Variants in ZDHHC11 observed in about 807,000 individuals in gnomAD.
ZDHHC11 encodes zDHHC palmitoyltransferase 11, also known as palmitoyltransferase ZDHHC11.
ZDHHC11 carries 44 observed loss-of-function variants against 51.3 expected under a neutral mutation model. The ratio of observed to expected loss-of-function variants is 0.86; its 90% CI spans 0.67 to 1.10. The LOEUF (loss-of-function observed/expected upper bound fraction) is 1.10, where lower values mean the gene tolerates loss of function less well. Among genes scored for constraint, ZDHHC11 ranks in the 50% least tolerant of loss-of-function variants. The probability of loss-of-function intolerance (pLI) is 0.00; values close to 1 mark genes in which losing one functional copy is unlikely to be tolerated. For missense variants in ZDHHC11, 400 were observed against 537.7 expected (o/e 0.74, Z 2.53); for synonymous variants, 163 against 222.0 (o/e 0.73, Z 2.36).
intron 8 of ZDHHC11, among the ~76,000 whole-genome samples, chr5:822,425 A>G (rs767822192): frequency 2.6e-5 from 4 of 151,464 alleles, no homozygotes; most frequent in African/African-American, 4.8e-5. Context: ...CACCCCATCC[A>G]TGGTTCCTGC....
At chr5:851,224 C>T (rs1387197840), upstream of ZDHHC11, among the ~76,000 whole-genome samples, 1 of 152,200 alleles carries the variant, frequency 6.6e-6, no homozygotes, top group Non-Finnish European at 1.5e-5. Context: ...TGTGTCTCCC[C>T]TTCCACAGGA....
chr5:817,684 G>A (rs1470269273), intron 10 of ZDHHC11, among the ~76,000 whole-genome samples: 13 of 151,384 alleles, frequency 8.6e-5, no homozygotes, highest in African/African-American at 3.1e-4. Context: ...TTCTAGGTGG[G>A]ACTGAGCTGT....
At chr5:822,865 T>C (rs948854637) in intron 8 of ZDHHC11, among the ~76,000 whole-genome samples, 4 of 151,636 alleles carry the variant, frequency 2.6e-5, no homozygotes, top group African/African-American at 4.8e-5. Flanking sequence ...CAGTATCTTA[T>C]TGTGATTTTA....
chr5:850,044 G>T (rs1268762359), intron 1 of ZDHHC11, among the ~76,000 whole-genome samples: 1 of 152,252 alleles, frequency 6.6e-6, no homozygotes, highest in African/African-American at 2.4e-5. Flanking sequence ...GGGGCAAGGA[G>T]AAAGGTGCTG....
chr5:848,984 G>A lies in ZDHHC11; in HGVS notation c.223-324C>T, dbSNP rs182863819. Among the ~76,000 whole-genome samples, 254 of 150,716 alleles carry A rather than the reference G, an allele frequency of 1.7e-3. 2 individuals carry two copies. Among genetic ancestry groups the A allele is most frequent in the African/African-American group, 5.9e-3 (240 of 40,864 alleles). ...ACCCGAGCCCAGCTCACCCATGCCCGGCCCTGCTCACATGGCCCTGCTCAT... is the reference window on the plus strand; with the variant it reads ...ACCCGAGCCCAGCTCACCCATGCCCAGCCCTGCTCACATGGCCCTGCTCAT... On this transcript the variant is annotated intron_variant, in intron 1 of 12. Transcript: ENST00000283441.
At chr5:824,620 C>T (rs542730931) in intron 8 of ZDHHC11, among the ~76,000 whole-genome samples, 6 of 151,638 alleles carry the variant, frequency 4.0e-5, no homozygotes, top group East Asian at 3.9e-4. Context: ...CACATATACA[C>T]GTGACCACAC....
intron 11 of ZDHHC11, among the ~76,000 whole-genome samples, chr5:809,031 C>A (rs1739735366): frequency 8.0e-6 from 1 of 125,058 alleles, no homozygotes; most frequent in Non-Finnish European, 1.6e-5. Context: ...TATTTATTCC[C>A]CACCTGTCTC....
At chr5:836,387 T>A (rs1743855333) in intron 6 of ZDHHC11, among the ~76,000 whole-genome samples, 1 of 150,382 alleles carries the variant, frequency 6.6e-6, no homozygotes, top group Non-Finnish European at 1.5e-5. Context: ...TGCACATTCC[T>A]GCCCCGTGCT....
At chr5:840,012 C>T in intron 5 of ZDHHC11, 1 of 583,850 alleles carries the variant, frequency 1.7e-6, no homozygotes, top group South Asian at 2.2e-5. Context: ...CCGCCTACCG[C>T]TGTGCCCACT....
upstream of ZDHHC11, among the ~76,000 whole-genome samples, chr5:854,570 C>T (rs1747850512): frequency 6.7e-6 from 1 of 148,300 alleles, no homozygotes; most frequent in Non-Finnish European, 1.5e-5. Context: ...AACAGTGAGC[C>T]AGGGGTCACA....
chr5:840,869 G>A (rs866135389), intron 4 of ZDHHC11: 775 of 1,440,318 alleles, frequency 5.4e-4, no homozygotes, highest in South Asian at 8.1e-4. Flanking sequence ...GGATCTGGGA[G>A]GTGAGGCTCC....
chr5:848,780 C>A, intron 1 of ZDHHC11, 120 bp from the exon 2 acceptor site: 2 of 1,417,456 alleles, frequency 1.4e-6, no homozygotes, highest in Non-Finnish European at 9.5e-7. Flanking sequence ...CCCAGCCCTG[C>A]ACACGTGAGC....
chr5:804,566 T>G (rs1401125704), intron 11 of ZDHHC11, among the ~76,000 whole-genome samples: 1 of 151,338 alleles, frequency 6.6e-6, no homozygotes, highest in Non-Finnish European at 1.5e-5. Context: ...GTTAGATTGT[T>G]AAGGCATAGA....
chr5:827,860 G>A lies in ZDHHC11; in HGVS notation c.936-2609C>T, dbSNP rs1321054762. On this transcript the variant is annotated intron_variant, in intron 7 of 12. Transcript: ENST00000283441. ...GAAAAACAAGTGAACAAAGGTCTCT[G>A]GCTTTCCTAGGCAGAGGACCCAGCG... 2.6e-5 allele frequency among the ~76,000 whole-genome samples: 4 copies of A among 151,094 alleles called. No homozygotes were observed. The East Asian group carries it at 7.7e-4, about 29-fold the overall frequency.
chr5:808,701 A>ATTTTTTT (rs1161740691), intron 11 of ZDHHC11, among the ~76,000 whole-genome samples: 49 of 129,244 alleles, frequency 3.8e-4, no homozygotes, highest in Non-Finnish European at 5.8e-4. Flanking sequence ...AACCTAGCTA[A>ATTTTTTT]TTTTTTTTTT....
chr5:800,511 C>G (rs1051878557), intron 12 of ZDHHC11, among the ~76,000 whole-genome samples: 2 of 151,306 alleles, frequency 1.3e-5, no homozygotes, highest in African/African-American at 4.9e-5. Flanking sequence ...CCTCTGTTTT[C>G]AAGTGCTCAG....
intron 12 of ZDHHC11, among the ~76,000 whole-genome samples, chr5:797,653 AAT>A (rs1190821082): frequency 6.6e-6 from 1 of 151,486 alleles, no homozygotes; most frequent in African/African-American, 2.4e-5. Context: ...TAATTTAAAA[AAT>A]AGTTTTCTGT....
intron 3 of ZDHHC11, among the ~76,000 whole-genome samples, chr5:847,131 GC>G (rs1363337357): frequency 6.6e-6 from 1 of 151,754 alleles, no homozygotes; most frequent in Non-Finnish European, 1.5e-5. Flanking sequence ...AACACCTCTC[GC>G]CCATCTGCGC....
At chr5:816,003 G>T (rs1045518511) in intron 10 of ZDHHC11, among the ~76,000 whole-genome samples, 5 of 151,508 alleles carry the variant, frequency 3.3e-5, no homozygotes, top group Non-Finnish European at 7.4e-5. Context: ...GGGAAATGAT[G>T]TTGAGCAGCT....
Sources: allele counts gnomAD v4.1 joint callset (sites outside exome capture counted in the v4.1 genomes callset), GRCh38; gene constraint gnomAD v4.1.1; transcripts MANE v1.5; gene names NCBI Gene and HGNC (gene_info 2026-07-23, HGNC 2026-07-21).